Variants in GPC6 observed in about 807,000 individuals in gnomAD.
GPC6 encodes the protein glypican 6, also known as glypican-6.
In GPC6, 14 loss-of-function variants were observed where a neutral mutation model predicts 55.2. That is an observed-to-expected ratio of 0.25 (90% CI 0.17 to 0.40). The LOEUF (loss-of-function observed/expected upper bound fraction) is 0.40. Ranked by LOEUF, GPC6 falls within the 10% of genes least tolerant of loss-of-function variation. The probability of loss-of-function intolerance (pLI) is 1.00; values close to 1 mark genes in which losing one functional copy is unlikely to be tolerated. For synonymous variants in GPC6, 278 were observed against 259.6 expected (o/e 1.07, Z -0.68); for missense variants, 641 against 708.5 (o/e 0.90, Z 1.08).
chr13:93,875,467 C>A (rs573569057), intron 3 of GPC6, among the ~76,000 whole-genome samples: 2 of 152,108 alleles, frequency 1.3e-5, no homozygotes, highest in South Asian at 4.2e-4. Context: ...TTCAAATGAT[C>A]CAGAGGTGTG....
At chr13:93,593,383 G>A (rs568282708) in intron 2 of GPC6, among the ~76,000 whole-genome samples, 4 of 152,112 alleles carry the variant, frequency 2.6e-5, no homozygotes, top group Admixed American at 6.5e-5. Flanking sequence ...GACCTTCTGC[G>A]TAATATTGGG....
intron 1 of GPC6, among the ~76,000 whole-genome samples, chr13:93,381,126 G>T (rs1875150371): frequency 6.6e-6 from 1 of 152,082 alleles, no homozygotes; most frequent in African/African-American, 2.4e-5. Context: ...ACAATAACCT[G>T]AAATAAAGCT....
intron 4 of GPC6, among the ~76,000 whole-genome samples, chr13:94,240,297 CT>C (rs1891015338): frequency 6.6e-6 from 1 of 152,102 alleles, no homozygotes; most frequent in African/African-American, 2.4e-5. Flanking sequence ...AAGAAGAATG[CT>C]GCCTCCTCAG....
chr13:93,250,580 A>G (rs774829978), intron 1 of GPC6, among the ~76,000 whole-genome samples: 17 of 152,084 alleles, frequency 1.1e-4, no homozygotes, highest in Admixed American at 2.6e-4. Context: ...TCTGGTTTGC[A>G]ACTCCGCTGC....
rs543782007 is a variant in GPC6 at position 94,192,245 on chromosome 13, T to A, written c.878-94104T>A. Among the ~76,000 whole-genome samples the A allele has an allele frequency of 5.9e-5, 9 of 152,286 alleles. 1 individual carries two copies. The South Asian group carries it at 1.9e-3, about 32-fold the overall frequency. ...TGGCTCCCTACTTCATGCTAGTTAA[T>A]CTTTGCAGCAAATAACAGAACAATC... On this transcript the variant is annotated intron_variant, in intron 4 of 8. Coordinates refer to ENST00000377047, the MANE Select transcript of GPC6 (RefSeq NM_005708.5).
chr13:94,077,729 A>C (rs942720624), intron 4 of GPC6, among the ~76,000 whole-genome samples: 2 of 151,664 alleles, frequency 1.3e-5, no homozygotes, highest in Non-Finnish European at 1.5e-5. Flanking sequence ...GGAGATGATA[A>C]TATGCTTTCT....
chr13:93,758,272 CA>C (rs1327403723), intron 2 of GPC6, among the ~76,000 whole-genome samples: 9 of 152,114 alleles, frequency 5.9e-5, no homozygotes, highest in Admixed American at 5.2e-4. Flanking sequence ...TGCAACAGTT[CA>C]CAGTAGAGGG....
At chr13:94,079,297 T>A (rs1885026482) in intron 4 of GPC6, among the ~76,000 whole-genome samples, 1 of 152,112 alleles carries the variant, frequency 6.6e-6, no homozygotes, top group Non-Finnish European at 1.5e-5. Context: ...GCTATAAGGC[T>A]ACATTAGATA....
At chr13:94,115,474 A>G (rs1270914007) in intron 4 of GPC6, among the ~76,000 whole-genome samples, 2 of 152,090 alleles carry the variant, frequency 1.3e-5, no homozygotes, top group Admixed American at 1.3e-4. Context: ...CTTTCATTCA[A>G]CCTGATTTCT....
At chr13:93,822,834 T>A (rs936990299) in intron 2 of GPC6, among the ~76,000 whole-genome samples, 6 of 144,096 alleles carry the variant, frequency 4.2e-5, no homozygotes, top group African/African-American at 1.4e-4. Flanking sequence ...TTTTCTTTAT[T>A]ATTATTATTA....
At chr13:94,060,219 A>G (rs55790027) in intron 4 of GPC6, among the ~76,000 whole-genome samples, 25,332 of 152,116 alleles carry the variant, frequency 0.17, 2,321 homozygotes, top group South Asian at 0.3. Context: ...AATCGCTGGT[A>G]CCATGCTCCT....
At chr13:94,371,859 G>A (rs921410786) in intron 6 of GPC6, among the ~76,000 whole-genome samples, 5 of 152,106 alleles carry the variant, frequency 3.3e-5, no homozygotes, top group East Asian at 1.9e-4. Flanking sequence ...GTATCTCAGC[G>A]TGAATCTCCT....
chr13:93,397,110 A>G (rs887680949), intron 1 of GPC6, among the ~76,000 whole-genome samples: 4 of 152,172 alleles, frequency 2.6e-5, no homozygotes, highest in Non-Finnish European at 5.9e-5. Flanking sequence ...TGTGCTTGGG[A>G]TAGATCCCCA....
rs150116159 is a variant in GPC6, at chr13:93,378,688, A to C, written c.160+151072A>C. Reference sequence around the variant, plus strand: ...TAGATATGTCACTTCACCTATCCTTATTGTTTTTAAAAATCAGTGTAAAGA... The same window carrying C: ...TAGATATGTCACTTCACCTATCCTTCTTGTTTTTAAAAATCAGTGTAAAGA... On this transcript the variant is annotated intron_variant, in intron 1 of 8. Transcript: ENST00000377047. Among the ~76,000 whole-genome samples, 1,110 of 152,150 alleles carry C rather than the reference A, an allele frequency of 7.3e-3. 15 individuals are homozygous for C. Among genetic ancestry groups the C allele is most frequent in the African/African-American group, 0.025 (1,058 of 41,522 alleles).
intron 2 of GPC6, among the ~76,000 whole-genome samples, chr13:93,559,433 C>G (rs146920881): frequency 2.0e-5 from 3 of 152,144 alleles, no homozygotes; most frequent in Non-Finnish European, 4.4e-5. Context: ...AACAACCGTG[C>G]TGGGCACATG....
intron 1 of GPC6, among the ~76,000 whole-genome samples, chr13:93,429,349 C>G (rs1421443849): frequency 6.6e-6 from 1 of 152,094 alleles, no homozygotes; most frequent in Non-Finnish European, 1.5e-5. Flanking sequence ...CTTCAGGCTA[C>G]AAAGGATATT....
At chr13:94,223,223 C>T (rs1341574489) in intron 4 of GPC6, among the ~76,000 whole-genome samples, 1 of 152,050 alleles carries the variant, frequency 6.6e-6, no homozygotes, top group Admixed American at 6.6e-5. Flanking sequence ...GTTATGTAAA[C>T]TCTGGATAAA....
At chr13:93,549,871 C>G (rs966863957) in intron 2 of GPC6, among the ~76,000 whole-genome samples, 1 of 152,034 alleles carries the variant, frequency 6.6e-6, no homozygotes, top group Non-Finnish European at 1.5e-5. Flanking sequence ...AATGATGAAT[C>G]CAAGACTGAA....
chr13:93,308,060 G>T (rs531180890), intron 1 of GPC6, among the ~76,000 whole-genome samples: 1 of 152,216 alleles, frequency 6.6e-6, no homozygotes, highest in South Asian at 2.1e-4. Flanking sequence ...CGAGGTGGGC[G>T]GATCACGAAG....
Sources: gnomAD v4.1 joint callset for allele counts (sites outside exome capture counted in the v4.1 genomes callset) on GRCh38, gnomAD v4.1.1 for gene constraint, MANE v1.5 for transcripts, NCBI Gene and HGNC (gene_info 2026-07-23, HGNC 2026-07-21) for gene names.